Variants in CHODL observed in about 807,000 individuals in gnomAD.
CHODL encodes the protein transmembrane protein MT75.
A neutral mutation model predicts 34.5 loss-of-function variants in CHODL; 29 were observed. The observed-to-expected ratio is 0.84, with a 90% CI of 0.63 to 1.15. The LOEUF (loss-of-function observed/expected upper bound fraction) is 1.15. CHODL is among the 50% of genes most tolerant of loss of function. The pLI, the probability that CHODL is intolerant of heterozygous loss-of-function variation, is 0.00. For missense variants in CHODL, 332 were observed against 332.5 expected (o/e 1.00, Z 0.01); for synonymous variants, 125 against 116.1 (o/e 1.08, Z -0.49).
chr21:18,186,109 T>C (rs944033214), intron 2 of CHODL, among the ~76,000 whole-genome samples: 1 of 152,200 alleles, frequency 6.6e-6, no homozygotes, highest in East Asian at 1.9e-4. Flanking sequence ...CATCCATTTC[T>C]TTCTGCTCTT....
At chr21:18,089,303 G>T (rs2065043875) in intron 2 of CHODL, among the ~76,000 whole-genome samples, 1 of 151,708 alleles carries the variant, frequency 6.6e-6, no homozygotes, top group African/African-American at 2.4e-5. Context: ...CGTTATTTTT[G>T]AATATATAGA....
intron 2 of CHODL, among the ~76,000 whole-genome samples, chr21:18,235,932 A>T (rs1345634227): frequency 1.3e-5 from 2 of 152,200 alleles, no homozygotes; most frequent in Admixed American, 6.5e-5. Flanking sequence ...TAGAATGTCC[A>T]GTGTATTTAC....
At chr21:18,054,097 TTG>T (rs1478023618) in intron 2 of CHODL, among the ~76,000 whole-genome samples, 3 of 152,024 alleles carry the variant, frequency 2.0e-5, no homozygotes, top group African/African-American at 7.2e-5. Flanking sequence ...GTTTTCTTCT[TTG>T]TGATTTTCAG....
At chr21:18,042,965 C>T (rs1305568251) in intron 2 of CHODL, among the ~76,000 whole-genome samples, 2 of 151,636 alleles carry the variant, frequency 1.3e-5, no homozygotes, top group Non-Finnish European at 2.9e-5. Context: ...CAATATTGAA[C>T]TACAGTGAGA....
In CHODL at chr21:18,256,801, A is replaced by G; in HGVS notation, c.372A>G (p.Gly124=). 1 of 1,613,776 alleles carries G rather than the reference A, an allele frequency of 6.2e-7. No individual in the cohort carries two copies. Among genetic ancestry groups the G allele is most frequent in the Non-Finnish European group, 8.5e-7 (1 of 1,179,802 alleles). ...ACPDLYQWSD[G]SNSQYRNWYT... is the part of the protein sequence containing the mutation. ...CAGATCTCTACCAGTGGTCTGATGG[A>G]AGCAATTCCCAGTACCGGTGAGTAT... is the stretch of plus-strand genomic sequence containing the variant. The change falls in exon 2 of 6, where the codon GGA becomes GGG. Residue 124 remains glycine (G), a synonymous_variant. Transcript: ENST00000299295.
chr21:18,128,897 CTG>C (rs2072615685), intron 2 of CHODL, among the ~76,000 whole-genome samples: 2 of 152,164 alleles, frequency 1.3e-5, no homozygotes, highest in South Asian at 2.1e-4. Context: ...ACGTATGAAA[CTG>C]TATATAGTTC....
rs994568198 is a variant in CHODL, at chr21:18,129,152, AAAT to A, written c.-45+101182_-45+101184del. Among the ~76,000 whole-genome samples, 207 of 152,264 alleles carry A rather than the reference AAAT, an allele frequency of 1.4e-3. 1 individual carries two copies. The highest frequency in any genetic ancestry group is 4.8e-3 in the African/African-American group (200 of 41,558). ...TCTATTAAAAAGAGTTTAATGATAA[AAAT>A]GATGATGGGTTATTTTAATGAAGTT... On this transcript the variant is annotated intron_variant, in intron 2 of 6. Transcript: ENST00000400127.
chr21:18,190,639 G>T (rs990638206), intron 2 of CHODL, among the ~76,000 whole-genome samples: 12 of 152,176 alleles, frequency 7.9e-5, no homozygotes, highest in African/African-American at 2.9e-4. Flanking sequence ...TAATGGTAGT[G>T]TGTACAATTA....
chr21:18,168,049 TC>T (rs2073179278), intron 2 of CHODL, among the ~76,000 whole-genome samples: 1 of 152,154 alleles, frequency 6.6e-6, no homozygotes, highest in Admixed American at 6.5e-5. Flanking sequence ...GATGAATTCT[TC>T]CTGCCCTCAA....
At chr21:18,183,558 G>T (rs2073406834) in intron 2 of CHODL, among the ~76,000 whole-genome samples, 1 of 152,020 alleles carries the variant, frequency 6.6e-6, no homozygotes, top group Non-Finnish European at 1.5e-5. Context: ...TTTTCCCTGG[G>T]ATACCTTGAA....
chr21:18,040,624 A>G (rs1246727660), intron 2 of CHODL, among the ~76,000 whole-genome samples: 1 of 151,840 alleles, frequency 6.6e-6, no homozygotes, highest in Non-Finnish European at 1.5e-5. Context: ...AATGGTTTAC[A>G]GGTGTATTTT....
chr21:18,128,795 TTACA>T (rs1354724559), intron 2 of CHODL, among the ~76,000 whole-genome samples: 1 of 152,200 alleles, frequency 6.6e-6, no homozygotes, highest in Non-Finnish European at 1.5e-5. Context: ...GTGTGTCTAC[TTACA>T]TGCATATATT....
intron 2 of CHODL, among the ~76,000 whole-genome samples, chr21:18,181,615 A>C (rs2073383346): frequency 6.6e-6 from 1 of 152,184 alleles, no homozygotes; most frequent in Admixed American, 6.5e-5. Flanking sequence ...TGGTCTGGAT[A>C]TCCTGACCTC....
intron 2 of CHODL, among the ~76,000 whole-genome samples, chr21:18,101,332 C>T (rs1200837124): frequency 3.9e-5 from 6 of 152,036 alleles, no homozygotes; most frequent in African/African-American, 7.2e-5. Flanking sequence ...TTCCTGGTCT[C>T]GAGTTTGTCT....
At chr21:18,196,429 ATATT>A (rs2073588709) in intron 2 of CHODL, among the ~76,000 whole-genome samples, 1 of 152,162 alleles carries the variant, frequency 6.6e-6, no homozygotes, top group African/African-American at 2.4e-5. Context: ...TTTGCTGGAA[ATATT>A]TATTTCAGTT....
intron 2 of CHODL, among the ~76,000 whole-genome samples, chr21:18,118,919 T>C (rs1601027541): frequency 6.6e-6 from 1 of 152,184 alleles, no homozygotes; most frequent in East Asian, 1.9e-4. Flanking sequence ...CTGTCTTCCT[T>C]CCATCTCCTA....
At chr21:17,944,660 A>T (rs1298463615) in intron 1 of CHODL, among the ~76,000 whole-genome samples, 1 of 152,154 alleles carries the variant, frequency 6.6e-6, no homozygotes, top group Non-Finnish European at 1.5e-5. Flanking sequence ...GCCTGACCAG[A>T]AGCCATCACA....
At chr21:17,976,796 G>T (rs548516234) in intron 1 of CHODL, among the ~76,000 whole-genome samples, 4 of 152,198 alleles carry the variant, frequency 2.6e-5, no homozygotes, top group South Asian at 2.1e-4. Flanking sequence ...TATTCAGGCT[G>T]CAAGTAGGTC....
In CHODL at chr21:18,244,989, G is replaced by T; in HGVS notation, c.-235G>T. On this transcript the variant is annotated 5_prime_UTR_variant, in exon 1 of 6. Coordinates refer to ENST00000299295, the MANE Select transcript of CHODL (RefSeq NM_024944.3). ...ACCCCCTAACTTCAGTCCCCCAAAC[G>T]CGCACCCTCGAAGTCTTGAACTCCA... 1 of 454,324 alleles carries T rather than the reference G, an allele frequency of 2.2e-6. No homozygotes were observed. The highest frequency in any genetic ancestry group is 3.9e-6 in the Non-Finnish European group (1 of 259,146). 28.1% of individuals were successfully genotyped at this position (454,324 alleles called of 1,614,324 possible). A position where few individuals can be genotyped will look rare whatever the true frequency, so the allele number is the denominator to read the frequency against.
Sources: allele counts gnomAD v4.1 joint callset (sites outside exome capture counted in the v4.1 genomes callset), GRCh38; gene constraint gnomAD v4.1.1; transcripts MANE v1.5; gene names NCBI Gene and HGNC (gene_info 2026-07-23, HGNC 2026-07-21).